Variants in ITGAV observed in about 807,000 individuals in gnomAD.
ITGAV encodes integrin subunit alpha V.
Under a neutral mutation model 143.8 loss-of-function variants are expected in ITGAV, and 76 were observed. The ratio of observed to expected loss-of-function variants is 0.53; its 90% CI spans 0.44 to 0.64. The LOEUF (loss-of-function observed/expected upper bound fraction) is 0.64. Ranked by LOEUF, ITGAV falls within the 30% of genes least tolerant of loss-of-function variation. The probability of loss-of-function intolerance (pLI) is 0.00; values close to 1 mark genes in which losing one functional copy is unlikely to be tolerated. For missense variants in ITGAV, 1,193 were observed against 1,274.7 expected, an observed-to-expected ratio of 0.94 and a Z score of 0.98; for synonymous variants, 453 against 446.7, an observed-to-expected ratio of 1.01 and a Z score of -0.18.
intron 12 of ITGAV, among the ~76,000 whole-genome samples, chr2:186,646,138 T>C (rs1688250358): frequency 6.6e-6 from 1 of 152,200 alleles, no homozygotes; most frequent in South Asian, 2.1e-4. Context: ...AGATTTAAAA[T>C]GTTATTCATT....
chr2:186,619,853 G>A (rs111682091), intron 2 of ITGAV, among the ~76,000 whole-genome samples: 3 of 152,024 alleles, frequency 2.0e-5, no homozygotes, highest in East Asian at 1.9e-4. Context: ...TTAGCTGGGC[G>A]TGGTGGCGTG....
At chr2:186,640,736 A>G (rs1688078531) in intron 10 of ITGAV, among the ~76,000 whole-genome samples, 179 bp from the exon 11 acceptor site, 1 of 152,224 alleles carries the variant, frequency 6.6e-6, no homozygotes, top group African/African-American at 2.4e-5. Flanking sequence ...TAGGAAAACA[A>G]CAAGCCTCAT....
At chr2:186,668,216 A>ATATATATAT (rs1553505692) in intron 24 of ITGAV, among the ~76,000 whole-genome samples, 1 of 4,200 alleles carries the variant, frequency 2.4e-4, no homozygotes, top group Non-Finnish European at 4.8e-4. Flanking sequence ...ATATATATAT[A>ATATATATAT]TTTTTTTTTT....
chr2:186,602,248 A>T, intron 2 of ITGAV, 97 bp downstream of exon 2: 1 of 875,572 alleles, frequency 1.1e-6, no homozygotes. Flanking sequence ...ACAATTATAT[A>T]GATAAGCACC....
At chr2:186,654,911 A>T (rs1031932951) in intron 16 of ITGAV, among the ~76,000 whole-genome samples, 3 of 152,200 alleles carry the variant, frequency 2.0e-5, no homozygotes, top group African/African-American at 7.2e-5. Flanking sequence ...ACACTTATTT[A>T]TGGACATTAT....
chr2:186,664,673 G>T, intron 20 of ITGAV, 32 bp downstream of exon 20: 1 of 1,613,400 alleles, frequency 6.2e-7, no homozygotes, highest in African/African-American at 1.3e-5. Flanking sequence ...AAATTGAAAT[G>T]CACTCACGGA....
intron 1 of ITGAV, among the ~76,000 whole-genome samples, chr2:186,592,691 T>C (rs1686647328): frequency 6.6e-6 from 1 of 152,162 alleles, no homozygotes; most frequent in African/African-American, 2.4e-5. Flanking sequence ...ATGAATGTGT[T>C]ATGACCTCAC....
intron 21 of ITGAV, 23 bp downstream of exon 21, chr2:186,665,241 A>G (rs200173037): frequency 6.9e-7 from 1 of 1,450,934 alleles, no homozygotes; most frequent in Non-Finnish European, 9.7e-7. Flanking sequence ...AATTAAACGG[A>G]TTTTTCTCCC....
At chr2:186,596,483 T>C (rs956993614) in intron 1 of ITGAV, among the ~76,000 whole-genome samples, 1 of 151,428 alleles carries the variant, frequency 6.6e-6, no homozygotes, top group East Asian at 1.9e-4. Flanking sequence ...GGAGTCTTGC[T>C]CTGTTGCCCA....
intron 26 of ITGAV, among the ~76,000 whole-genome samples, chr2:186,674,405 A>T (rs866789754): frequency 6.6e-6 from 1 of 151,966 alleles, no homozygotes; most frequent in South Asian, 2.1e-4. Context: ...TTGTTTTTTT[A>T]GCTTAAATAG....
At chr2:186,604,497 G>A (rs958169409) in intron 2 of ITGAV, among the ~76,000 whole-genome samples, 1 of 152,134 alleles carries the variant, frequency 6.6e-6, no homozygotes, top group Non-Finnish European at 1.5e-5. Flanking sequence ...ACAAATATGT[G>A]AATATATCTG....
At chr2:186,645,381 GC>G (rs1461307665) in intron 12 of ITGAV, among the ~76,000 whole-genome samples, 1 of 151,990 alleles carries the variant, frequency 6.6e-6, no homozygotes, top group Non-Finnish European at 1.5e-5. Context: ...GCAAATACAA[GC>G]CCATAGTTGG....
At chr2:186,660,876 T>C (rs1003354114) in intron 18 of ITGAV, among the ~76,000 whole-genome samples, 8 of 152,188 alleles carry the variant, frequency 5.3e-5, no homozygotes, top group African/African-American at 1.9e-4. Context: ...CCAGTCACCT[T>C]CTTGTGTCTT....
chr2:186,621,685 G>A (rs1380330828), intron 2 of ITGAV, among the ~76,000 whole-genome samples: 1 of 152,090 alleles, frequency 6.6e-6, no homozygotes, highest in African/African-American at 2.4e-5. Context: ...GTGTCCTGTA[G>A]GCAAGTAAAC....
At chr2:186,617,712 GTTAT>G (rs1559044715) in intron 2 of ITGAV, among the ~76,000 whole-genome samples, 1 of 152,086 alleles carries the variant, frequency 6.6e-6, no homozygotes, top group Non-Finnish European at 1.5e-5. Flanking sequence ...TAAGATTTAA[GTTAT>G]TTAAATACTT....
intron 7 of ITGAV, 130 bp from the exon 8 acceptor site, chr2:186,636,935 T>C (rs1052043285): frequency 1.4e-6 from 1 of 705,746 alleles, no homozygotes; most frequent in Middle Eastern, 2.5e-4. Context: ...GAATCTGTTA[T>C]GACTAGGGGA....
At chr2:186,675,518 C>T in intron 26 of ITGAV, 86 bp from the exon 27 acceptor site, 2 of 941,476 alleles carry the variant, frequency 2.1e-6, no homozygotes, top group South Asian at 1.4e-5. Context: ...GGCCATCACA[C>T]AAAAAGAAAA....
chr2:186,615,556 A>C (rs560947092), intron 2 of ITGAV, among the ~76,000 whole-genome samples: 30 of 152,232 alleles, frequency 2.0e-4, no homozygotes, highest in African/African-American at 7.0e-4. Flanking sequence ...CCCGATGATG[A>C]ATAATGTTGA....
At chr2:186,639,339 A>G (rs954488501) in intron 10 of ITGAV, among the ~76,000 whole-genome samples, 1 of 152,118 alleles carries the variant, frequency 6.6e-6, no homozygotes, top group Non-Finnish European at 1.5e-5. Context: ...GGGCTTTGGG[A>G]TAGGATTGAC....
Sources: gnomAD v4.1 joint callset for allele counts (sites outside exome capture counted in the v4.1 genomes callset) on GRCh38, gnomAD v4.1.1 for gene constraint, MANE v1.5 for transcripts, NCBI Gene and HGNC (gene_info 2026-07-23, HGNC 2026-07-21) for gene names.